LRRIQ1: variants seen among roughly 807,000 people sequenced by gnomAD.
LRRIQ1 encodes the protein leucine rich repeats and IQ motif containing 1.
A neutral mutation model predicts 211.9 loss-of-function variants in LRRIQ1; 210 were observed. That is an observed-to-expected ratio of 0.99 (90% CI 0.89 to 1.11). The LOEUF is 1.11. Among genes scored for constraint, LRRIQ1 ranks in the 50% most tolerant of loss-of-function variants. LRRIQ1 has a pLI of 0.00. For synonymous variants in LRRIQ1, 699 were observed against 650.1 expected, an observed-to-expected ratio of 1.08 and a Z score of -1.14; for missense variants, 2,136 against 1,939.5, an observed-to-expected ratio of 1.10 and a Z score of -1.90.
At chr12:85,109,424 G>C (rs922268145) in intron 15 of LRRIQ1, among the ~76,000 whole-genome samples, 2 of 151,796 alleles carry the variant, frequency 1.3e-5, no homozygotes, top group East Asian at 1.9e-4. Flanking sequence ...TTTTTCTTTA[G>C]AGCCAGGTTT....
chr12:85,063,181 G>A (rs956909234), intron 8 of LRRIQ1, among the ~76,000 whole-genome samples: 8 of 150,600 alleles, frequency 5.3e-5, no homozygotes, highest in African/African-American at 1.5e-4. Flanking sequence ...TTCTCTAGCC[G>A]TGCAGAAGCT....
chr12:85,087,967 A>G (rs1359872309), intron 11 of LRRIQ1, among the ~76,000 whole-genome samples: 3 of 152,098 alleles, frequency 2.0e-5, no homozygotes, highest in African/African-American at 7.2e-5. Context: ...CCATTTGTCA[A>G]TTTTGGCTTT....
chr12:85,106,417 AT>A, intron 14 of LRRIQ1, 104 bp from the exon 15 acceptor site: 1 of 752,466 alleles, frequency 1.3e-6, no homozygotes, highest in South Asian at 1.8e-5. Context: ...AAATAAAAAT[AT>A]TGCTTTTCTT....
chr12:85,055,815 A>G lies in LRRIQ1; in HGVS notation c.1022A>G (p.Glu341Gly). The G allele has an allele frequency of 6.3e-7, 1 of 1,594,554 alleles. No homozygotes were observed. Among genetic ancestry groups the G allele is most frequent in the Non-Finnish European group, 8.6e-7 (1 of 1,168,954 alleles). The change falls in exon 8 of 27, where the codon GAG (glutamate) becomes GGG (glycine). Residue 341 changes from glutamate to glycine, a missense_variant. Transcript: ENST00000393217. Reference sequence around the variant, plus strand: ...GAAGAAAATCGAAAAAGATTAGAGGAGGAACAAAGGATAAAAGAAGAGAGA... The same window carrying G: ...GAAGAAAATCGAAAAAGATTAGAGGGGGAACAAAGGATAAAAGAAGAGAGA... ...KEEENRKRLE[E>G]EQRIKEERKK...
rs1888225988 is a variant in LRRIQ1, at chr12:85,124,483, T to C, written c.3971T>C (p.Leu1324Pro). Residue 1324 changes from leucine to proline, a missense_variant, in exon 17 of 27, where the codon CTG becomes CCG. By Grantham distance (98) the Leu-to-Pro change is moderately conservative (BLOSUM62 -3). Coordinates refer to ENST00000393217, the MANE Select transcript of LRRIQ1 (RefSeq NM_001079910.2). ...FKEVVMTNSL[L>P]RNHQNIEPSE... is the part of the protein sequence containing the mutation. Reference sequence around the variant, plus strand: ...GAAGTAGTAATGACAAATTCTTTGCTGAGGAATCACCAAAATATTGAGCCT... The same window carrying C: ...GAAGTAGTAATGACAAATTCTTTGCCGAGGAATCACCAAAATATTGAGCCT... 1 of 1,613,284 alleles carries C rather than the reference T, an allele frequency of 6.2e-7. No homozygotes were observed. The highest frequency in any genetic ancestry group is 8.5e-7 in the Non-Finnish European group (1 of 1,179,994).
intron 18 of LRRIQ1, among the ~76,000 whole-genome samples, chr12:85,137,360 T>C (rs1256777290): frequency 6.6e-6 from 1 of 151,568 alleles, no homozygotes; most frequent in Non-Finnish European, 1.5e-5. Context: ...CTGAATATTT[T>C]AAATTTTGTT....
chr12:85,267,713 T>C (rs1462012705), downstream of LRRIQ1, among the ~76,000 whole-genome samples: 1 of 152,078 alleles, frequency 6.6e-6, no homozygotes, highest in Non-Finnish European at 1.5e-5. Context: ...GTGCTTAGAA[T>C]AACTCAGTGT....
chr12:85,143,976 G>A (rs966096442), intron 19 of LRRIQ1, among the ~76,000 whole-genome samples: 9 of 151,420 alleles, frequency 5.9e-5, no homozygotes, highest in African/African-American at 1.7e-4. Context: ...GGTAAATTAC[G>A]TGTCGTGGGG....
intron 24 of LRRIQ1, among the ~76,000 whole-genome samples, chr12:85,190,375 AAT>A (rs1044920762): frequency 8.2e-5 from 12 of 146,850 alleles, no homozygotes; most frequent in African/African-American, 2.5e-4. Flanking sequence ...ACAGTTAATA[AAT>A]ATACAGTTAA....
intron 1 of LRRIQ1, among the ~76,000 whole-genome samples, chr12:85,258,433 G>C (rs1021475550): frequency 2.3e-4 from 35 of 151,694 alleles, no homozygotes; most frequent in African/African-American, 8.5e-4. Flanking sequence ...TCAAAAACAA[G>C]AAAAATCACA....
At chr12:85,152,712 TTCAG>T (rs1890320208) in intron 20 of LRRIQ1, among the ~76,000 whole-genome samples, 2 of 151,702 alleles carry the variant, frequency 1.3e-5, no homozygotes, top group African/African-American at 4.8e-5. Context: ...GCTGAAGATT[TTCAG>T]TCAGAGGTCA....
chr12:85,057,970 T>C (rs1320032409), intron 8 of LRRIQ1, among the ~76,000 whole-genome samples: 1 of 152,010 alleles, frequency 6.6e-6, no homozygotes, highest in Non-Finnish European at 1.5e-5. Flanking sequence ...GAAAGAACAA[T>C]CATATTAATA....
intron 24 of LRRIQ1, among the ~76,000 whole-genome samples, chr12:85,213,648 A>G (rs1893943111): frequency 6.6e-6 from 1 of 152,068 alleles, no homozygotes; most frequent in African/African-American, 2.4e-5. Context: ...TTTTCTGAAT[A>G]CAATGCTAGT....
chr12:85,244,392 G>A (rs1215759269), intron 26 of LRRIQ1, among the ~76,000 whole-genome samples: 1 of 151,290 alleles, frequency 6.6e-6, no homozygotes, highest in Non-Finnish European at 1.5e-5. Flanking sequence ...CATATAAGTG[G>A]CAACATATAA....
At chr12:85,165,853 C>T (rs1891131728) in intron 24 of LRRIQ1, among the ~76,000 whole-genome samples, 1 of 152,092 alleles carries the variant, frequency 6.6e-6, no homozygotes, top group African/African-American at 2.4e-5. Context: ...CTGACGAGCA[C>T]CTAGGTTGAT....
chr12:85,111,436 C>T (rs1423267276), intron 15 of LRRIQ1, among the ~76,000 whole-genome samples: 2 of 151,984 alleles, frequency 1.3e-5, no homozygotes, highest in South Asian at 2.1e-4. Flanking sequence ...TATTCCACTC[C>T]GTTGACTAGT....
intron 8 of LRRIQ1, among the ~76,000 whole-genome samples, chr12:85,062,683 G>A (rs1332919334): frequency 6.6e-6 from 1 of 151,240 alleles, no homozygotes; most frequent in Non-Finnish European, 1.5e-5. Flanking sequence ...TGTCTTTTTG[G>A]TAGAATGGTT....
chr12:85,219,018 GT>G, intron 24 of LRRIQ1, among the ~76,000 whole-genome samples: 1 of 152,072 alleles, frequency 6.6e-6, no homozygotes, highest in Middle Eastern at 3.4e-3. Context: ...TTTCTTAAAT[GT>G]TATGCCTAAG....
intron 15 of LRRIQ1, among the ~76,000 whole-genome samples, chr12:85,111,521 A>G (rs764836968): frequency 3.9e-5 from 6 of 152,138 alleles, no homozygotes; most frequent in Admixed American, 3.9e-4. Flanking sequence ...ATCAGCCAAC[A>G]CTAACAGTCT....
Sources: allele counts gnomAD v4.1 joint callset (sites outside exome capture counted in the v4.1 genomes callset), GRCh38; gene constraint gnomAD v4.1.1; transcripts MANE v1.5; gene names NCBI Gene and HGNC (gene_info 2026-07-23, HGNC 2026-07-21).